The following OR1J2 variants were observed in gnomAD, a reference collection of about 807,000 sequenced individuals.
The protein encoded by OR1J2 is olfactory receptor 1J2.
For missense variants in OR1J2, 304 were observed against 246.1 expected, an observed-to-expected ratio of 1.24 and a Z score of -1.57; for synonymous variants, 142 against 99.7, an observed-to-expected ratio of 1.42 and a Z score of -2.52.
chr9:122,490,241 A>C, the OR1J2 span, among the ~76,000 whole-genome samples: 1 of 152,194 alleles, frequency 6.6e-6, no homozygotes, highest in African/African-American at 2.4e-5. Context: ...CATCTAGATT[A>C]CTGGGGAGGG....
At chr9:122,466,889 G>A in the OR1J2 span, among the ~76,000 whole-genome samples, 1 of 152,060 alleles carries the variant, frequency 6.6e-6, no homozygotes, top group African/African-American at 2.4e-5. Flanking sequence ...TGCGATCTCG[G>A]CACACAGCAA....
the OR1J2 span, among the ~76,000 whole-genome samples, chr9:122,500,009 A>G: frequency 2.0e-5 from 3 of 152,208 alleles, no homozygotes; most frequent in South Asian, 2.1e-4. Flanking sequence ...TATAGCACCT[A>G]CTGCTGAAAC....
chr9:122,450,234 C>T, the OR1J2 span, among the ~76,000 whole-genome samples: 1 of 152,052 alleles, frequency 6.6e-6, no homozygotes, highest in Non-Finnish European at 1.5e-5. Flanking sequence ...AGTTTGAGAC[C>T]AGCCTAGGCA....
At chr9:122,497,275 A>C in the OR1J2 span, among the ~76,000 whole-genome samples, 2 of 152,198 alleles carry the variant, frequency 1.3e-5, no homozygotes, top group Non-Finnish European at 2.9e-5. Context: ...TCAGGATGTG[A>C]GTCCCCACGT....
chr9:122,572,984 C>G, the OR1J2 span: 11 of 152,378 alleles, frequency 7.2e-5, no homozygotes, highest in African/African-American at 2.6e-4. Context: ...CCTTAACTCC[C>G]TGTTTCCTTC....
At chr9:122,463,253 G>A in the OR1J2 span, among the ~76,000 whole-genome samples, 17 of 152,106 alleles carry the variant, frequency 1.1e-4, no homozygotes, top group Non-Finnish European at 2.9e-5. Context: ...TCTCTTAAGT[G>A]TGTCCTTCAT....
the OR1J2 span, chr9:122,527,346 C>A: frequency 8.7e-7 from 1 of 1,149,756 alleles, no homozygotes; most frequent in Non-Finnish European, 1.2e-6. Context: ...TAGATTTCAT[C>A]TACAACTGTG....
At chr9:122,568,222 A>T in the OR1J2 span, 2 of 1,614,180 alleles carry the variant, frequency 1.2e-6, no homozygotes, top group Middle Eastern at 1.6e-4. Context: ...TCTGACAGGA[A>T]GTTCATCAGC....
the OR1J2 span, among the ~76,000 whole-genome samples, chr9:122,468,176 G>T: frequency 4.6e-5 from 7 of 152,190 alleles, no homozygotes; most frequent in Admixed American, 1.3e-4. Flanking sequence ...GCAAGTGGCT[G>T]CTTAAGGTCA....
At chr9:122,568,674 G>T in the OR1J2 span, 1 of 506,836 alleles carries the variant, frequency 2.0e-6, no homozygotes, top group Non-Finnish European at 3.4e-6. Context: ...GCTCCATAAG[G>T]GCATTATATT....
chr9:122,464,859 G>A, the OR1J2 span, among the ~76,000 whole-genome samples: 1 of 152,104 alleles, frequency 6.6e-6, no homozygotes, highest in Admixed American at 6.5e-5. Context: ...GACTATATAA[G>A]ACTTTTTGTC....
chr9:122,492,444 G>C, the OR1J2 span, among the ~76,000 whole-genome samples: 5 of 152,108 alleles, frequency 3.3e-5, no homozygotes. Flanking sequence ...ATCGTGAATA[G>C]TACTGTGATG....
chr9:122,514,946 C>A (rs1174315445), downstream of OR1J2, among the ~76,000 whole-genome samples: 1 of 152,182 alleles, frequency 6.6e-6, no homozygotes. Flanking sequence ...GGGACCTGAT[C>A]TTTAACAAGC....
At chr9:122,552,356 C>T in the OR1J2 span, among the ~76,000 whole-genome samples, 1 of 152,142 alleles carries the variant, frequency 6.6e-6, no homozygotes, top group Non-Finnish European at 1.5e-5. Context: ...ACCTTCCCTC[C>T]CTCTGGTTAA....
the OR1J2 span, among the ~76,000 whole-genome samples, chr9:122,521,719 A>G: frequency 6.6e-6 from 1 of 152,158 alleles, no homozygotes; most frequent in Non-Finnish European, 1.5e-5. Flanking sequence ...GACCTGCTGT[A>G]CACTCTCATC....
downstream of OR1J2, among the ~76,000 whole-genome samples, chr9:122,513,322 G>A (rs938068315): frequency 6.6e-6 from 1 of 152,178 alleles, no homozygotes; most frequent in Admixed American, 6.5e-5. Context: ...TGAGATGCGA[G>A]GATAGAAATA....
chr9:122,496,558 T>C, the OR1J2 span, among the ~76,000 whole-genome samples: 1 of 152,176 alleles, frequency 6.6e-6, no homozygotes, highest in Non-Finnish European at 1.5e-5. Context: ...GTTGAGGACA[T>C]GTGCCTGAGA....
the OR1J2 span, among the ~76,000 whole-genome samples, chr9:122,490,718 C>T: frequency 6.6e-6 from 1 of 152,054 alleles, no homozygotes; most frequent in African/African-American, 2.4e-5. Context: ...TACACTTGAA[C>T]AGGGGAAGAG....
the OR1J2 span, among the ~76,000 whole-genome samples, chr9:122,523,808 A>G: frequency 6.6e-6 from 1 of 152,214 alleles, no homozygotes; most frequent in Non-Finnish European, 1.5e-5. Flanking sequence ...ATGGGTTCTG[A>G]GCAAGAAGAA....
Sources: gnomAD v4.1 joint callset for allele counts (sites outside exome capture counted in the v4.1 genomes callset) on GRCh38, gnomAD v4.1.1 for gene constraint, MANE v1.5 for transcripts, NCBI Gene and HGNC (gene_info 2026-07-23, HGNC 2026-07-21) for gene names.